CNTNAP2: variants seen among roughly 807,000 people sequenced by gnomAD.
The protein encoded by CNTNAP2 is contactin-associated protein-like 2.
A neutral mutation model predicts 155.2 loss-of-function variants in CNTNAP2; 98 were observed. The ratio of observed to expected loss-of-function variants is 0.63; its 90% CI spans 0.54 to 0.75. The LOEUF (loss-of-function observed/expected upper bound fraction) is 0.75. Among genes scored for constraint, CNTNAP2 ranks in the 30% least tolerant of loss-of-function variants. CNTNAP2 has a pLI of 0.00. For missense variants in CNTNAP2, 1,727 were observed against 1,688.1 expected (o/e 1.02, Z -0.40); for synonymous variants, 651 against 631.2 (o/e 1.03, Z -0.47).
At chr7:148,181,392 A>C (rs145888379) in intron 18 of CNTNAP2, among the ~76,000 whole-genome samples, 2 of 152,352 alleles carry the variant, frequency 1.3e-5, no homozygotes, top group African/African-American at 4.8e-5. Flanking sequence ...GAAAATATTT[A>C]TGGATGAAAA....
At chr7:146,398,174 CG>C (rs71525946) in intron 1 of CNTNAP2, among the ~76,000 whole-genome samples, 4 of 140,170 alleles carry the variant, frequency 2.9e-5, no homozygotes, top group African/African-American at 1.2e-4. Flanking sequence ...CACCTATACC[CG>C]GCCCCAAACT....
chr7:147,390,571 TG>T (rs1796695899), intron 9 of CNTNAP2, among the ~76,000 whole-genome samples: 2 of 151,818 alleles, frequency 1.3e-5, no homozygotes, highest in South Asian at 4.1e-4. Context: ...TGCTGGAACT[TG>T]GTAATAGGCT....
chr7:147,551,206 T>C (rs1224275387), intron 11 of CNTNAP2, among the ~76,000 whole-genome samples: 3 of 152,182 alleles, frequency 2.0e-5, no homozygotes, highest in Non-Finnish European at 4.4e-5. Context: ...TAGCAGGTGG[T>C]AATAAATTGT....
intron 15 of CNTNAP2, among the ~76,000 whole-genome samples, chr7:148,099,972 A>G (rs1281025696): frequency 7.1e-6 from 1 of 141,778 alleles, no homozygotes; most frequent in Non-Finnish European, 1.5e-5. Flanking sequence ...TCCTGGGTTT[A>G]AGCAATTCTC....
intron 18 of CNTNAP2, among the ~76,000 whole-genome samples, chr7:148,198,662 T>C (rs1374556277): frequency 6.6e-6 from 1 of 152,250 alleles, no homozygotes; most frequent in Non-Finnish European, 1.5e-5. Context: ...ATGTGCCCTT[T>C]CAGAAGTGGT....
At chr7:146,239,137 C>A (rs1799520512) in intron 1 of CNTNAP2, among the ~76,000 whole-genome samples, 1 of 152,126 alleles carries the variant, frequency 6.6e-6, no homozygotes, top group African/African-American at 2.4e-5. Flanking sequence ...TGAGTAGCAA[C>A]AATGATTACT....
chr7:147,804,720 A>T (rs895221922), intron 13 of CNTNAP2, among the ~76,000 whole-genome samples: 2 of 151,780 alleles, frequency 1.3e-5, no homozygotes, highest in African/African-American at 4.8e-5. Flanking sequence ...CACCTGGCTA[A>T]TTTTTGTATT....
intron 13 of CNTNAP2, among the ~76,000 whole-genome samples, chr7:147,777,280 A>G (rs1005615856): frequency 1.8e-4 from 28 of 152,254 alleles, no homozygotes; most frequent in African/African-American, 3.9e-4. Context: ...TTTTAAAATT[A>G]AAATATAAAT....
intron 1 of CNTNAP2, among the ~76,000 whole-genome samples, chr7:146,271,353 G>A (rs1309050911): frequency 1.3e-5 from 2 of 151,896 alleles, no homozygotes; most frequent in African/African-American, 4.8e-5. Context: ...TAGGATTATT[G>A]TTTTGATGTA....
rs115217522 is a variant in CNTNAP2, at chr7:148,154,165, A to G, written c.2773+6456A>G. Among the ~76,000 whole-genome samples, 1,429 of 152,286 alleles carry G rather than the reference A, an allele frequency of 9.4e-3. 29 individuals are homozygous for G. The highest frequency in any genetic ancestry group is 0.032 in the African/African-American group (1,338 of 41,544). ...TTGAAAAATCACCCTCAGTGCTTCA[A>G]GCTCTTTTGCGTTGGGCAGAAAGCC... On this transcript the variant is annotated intron_variant, in intron 17 of 23. Coordinates refer to ENST00000361727, the MANE Select transcript of CNTNAP2 (RefSeq NM_014141.6).
At chr7:147,526,651 G>T (rs528180252) in intron 11 of CNTNAP2, among the ~76,000 whole-genome samples, 4 of 152,228 alleles carry the variant, frequency 2.6e-5, no homozygotes, top group Admixed American at 1.3e-4. Flanking sequence ...TAGTATATAG[G>T]TCAACAGATT....
intron 9 of CNTNAP2, among the ~76,000 whole-genome samples, chr7:147,367,184 T>G (rs1167620320): frequency 6.6e-6 from 1 of 152,186 alleles, no homozygotes; most frequent in African/African-American, 2.4e-5. Flanking sequence ...AAAACCAACT[T>G]TCTCCTGTTG....
chr7:146,136,160 A>G (rs553007901), intron 1 of CNTNAP2, among the ~76,000 whole-genome samples: 1 of 152,302 alleles, frequency 6.6e-6, no homozygotes, highest in South Asian at 2.1e-4. Context: ...AAAAAAGTCT[A>G]AGAAGATGAT....
At chr7:147,968,233 G>A (rs1247642750) in intron 14 of CNTNAP2, among the ~76,000 whole-genome samples, 2 of 152,128 alleles carry the variant, frequency 1.3e-5, no homozygotes, top group African/African-American at 2.4e-5. Flanking sequence ...ATCCCGAAAT[G>A]GTTACAAGGG....
intron 14 of CNTNAP2, among the ~76,000 whole-genome samples, chr7:147,963,337 A>G (rs796843997): frequency 1.4e-4 from 21 of 152,278 alleles, no homozygotes; most frequent in African/African-American, 4.6e-4. Flanking sequence ...GTCAATTTCT[A>G]TGGGAAATAC....
At chr7:148,235,667 T>C (rs1796028969) in intron 20 of CNTNAP2, among the ~76,000 whole-genome samples, 1 of 150,506 alleles carries the variant, frequency 6.6e-6, no homozygotes, top group African/African-American at 2.4e-5. Context: ...ATGTGCTCCT[T>C]ACAGCTGTGC....
chr7:146,632,647 A>G (rs1394660403), intron 1 of CNTNAP2, among the ~76,000 whole-genome samples: 3 of 152,096 alleles, frequency 2.0e-5, no homozygotes, highest in Non-Finnish European at 4.4e-5. Context: ...AACATTTACA[A>G]TCCAAAACCT....
chr7:148,271,506 C>T (rs374635434), intron 21 of CNTNAP2, among the ~76,000 whole-genome samples: 7 of 152,374 alleles, frequency 4.6e-5, no homozygotes, highest in Admixed American at 2.0e-4. Context: ...TCAGCGGTGA[C>T]GCTGAGATTT....
intron 4 of CNTNAP2, among the ~76,000 whole-genome samples, chr7:147,049,936 C>T (rs886379756): frequency 1.6e-4 from 24 of 152,230 alleles, no homozygotes; most frequent in Admixed American, 3.9e-4. Flanking sequence ...GACTCTATTC[C>T]AGGTGGAGAA....
Sources: allele counts gnomAD v4.1 joint callset (sites outside exome capture counted in the v4.1 genomes callset), GRCh38; gene constraint gnomAD v4.1.1; transcripts MANE v1.5; gene names NCBI Gene and HGNC (gene_info 2026-07-23, HGNC 2026-07-21).